The following ENY2 variants were observed in gnomAD, a reference collection of about 807,000 sequenced individuals.
ENY2 encodes the protein transcription and mRNA export factor ENY2.
A neutral mutation model predicts 15.9 loss-of-function variants in ENY2; 4 were observed. The observed-to-expected ratio is 0.25, with a 90% confidence interval of 0.12 to 0.57. The LOEUF (loss-of-function observed/expected upper bound fraction) is 0.57, where lower values mean the gene tolerates loss of function less well. Among genes scored for constraint, ENY2 ranks in the 20% least tolerant of loss-of-function variants. The pLI, the probability that ENY2 is intolerant of heterozygous loss-of-function variation, is 0.91. For synonymous variants in ENY2, 48 were observed against 38.0 expected (o/e 1.26, Z -0.97); for missense variants, 54 against 117.2 (o/e 0.46, Z 2.49).
At position 109,334,488 on chromosome 8, in the gene ENY2, G is replaced by C; in HGVS notation, c.6+14G>C. 6.2e-7 allele frequency: 1 copy of C among 1,612,862 alleles called. No individual in the cohort carries two copies. Among genetic ancestry groups the C allele is most frequent in the Non-Finnish European group, 8.5e-7 (1 of 1,179,620 alleles). ...GCGGTGATGGTGGTGAGCTATGCCC[G>C]TGGTCCTCAGGGCCGGGACCCGGGC... is the stretch of plus-strand genomic sequence containing the variant. On this transcript the variant is annotated intron_variant, in intron 1 of 4. Transcript: ENST00000521688.
At chr8:109,336,093 A>G (rs1412531416) in intron 1 of ENY2, 35 bp from the exon 2 acceptor site, 5 of 1,603,836 alleles carry the variant, frequency 3.1e-6, no homozygotes, top group East Asian at 2.2e-5. Flanking sequence ...TGCTTTGTAA[A>G]TGTTCTATAT....
At position 109,343,696 on chromosome 8, in the gene ENY2, G is replaced by A. The variant is rs751417878; in HGVS notation, c.*215G>A. On this transcript the variant is annotated 3_prime_UTR_variant, in exon 5 of 5. Transcript: ENST00000521688. Reference sequence around the variant, plus strand: ...AGTTTGCTTGGATTTTGAAATGAATGGGACTTTGTCTTTATTACTAATTCA... The same window carrying A: ...AGTTTGCTTGGATTTTGAAATGAATAGGACTTTGTCTTTATTACTAATTCA... 5.6e-5 allele frequency: 27 copies of A among 482,438 alleles called. No homozygotes were observed. The highest frequency in any genetic ancestry group is 7.2e-5 in the Non-Finnish European group (20 of 276,050). 29.9% of individuals were successfully genotyped at this position (482,438 alleles called of 1,614,324 possible).
intron 4 of ENY2, chr8:109,342,793 C>A: frequency 2.9e-6 from 2 of 684,818 alleles, no homozygotes; most frequent in South Asian, 3.0e-5. Flanking sequence ...CGTGAGCCAT[C>A]GTACCCAGCC....
chr8:109,345,941 C>G lies in ENY2; in HGVS notation c.*2460C>G, dbSNP rs1816236005. 6.6e-6 allele frequency: 1 copy of G among 152,018 alleles called. No individual in the cohort carries two copies. The highest frequency in any genetic ancestry group is 2.1e-4 in the South Asian group (1 of 4,822). The allele number at this position is 152,018 out of a possible 1,614,324, so 9.4% of individuals were successfully genotyped here. ...AATCACTTATATCTTTCAAATAAAC[C>G]AACTTTGTGAACATCTTGACTCACA... On this transcript the variant is annotated 3_prime_UTR_variant, in exon 5 of 5. Transcript: ENST00000521688.
rs1816219641 is a variant in ENY2, at chr8:109,345,244, G to A, written c.*1763G>A. ...TCTTGAAATTTTGCAGGCCTCTCCT[G>A]GAAAGGAGGAAATGACTTCTCTGAC... is the stretch of plus-strand genomic sequence containing the variant. On this transcript the variant is annotated 3_prime_UTR_variant, in exon 5 of 5. Coordinates refer to ENST00000521688, the MANE Select transcript of ENY2 (RefSeq NM_020189.6). 6.6e-6 allele frequency: 1 copy of A among 152,130 alleles called. No individual in the cohort carries two copies. Among genetic ancestry groups the A allele is most frequent in the Non-Finnish European group, 1.5e-5 (1 of 68,040 alleles). The allele number at this position is 152,130 out of a possible 1,614,324, so 9.4% of individuals were successfully genotyped here. A position where few individuals can be genotyped will look rare whatever the true frequency, so the allele number is the denominator to read the frequency against.
At position 109,345,123 on chromosome 8, in the gene ENY2, G is replaced by C. The variant is rs1563694379; in HGVS notation, c.*1642G>C. On this transcript the variant is annotated 3_prime_UTR_variant, in exon 5 of 5. Transcript: ENST00000521688. ...GTTTGCCCTTCAGAGTTCAGCTTTA[G>C]TTGCTAAAACATTCAGACATCCCTC... 1 of 152,068 alleles carries C rather than the reference G, an allele frequency of 6.6e-6. No homozygotes were observed. The highest frequency in any genetic ancestry group is 1.5e-5 in the Non-Finnish European group (1 of 68,028). 9.4% of individuals were successfully genotyped at this position (152,068 alleles called of 1,614,324 possible).
At chr8:109,334,583 G>A in intron 1 of ENY2, 109 bp downstream of exon 1, 2 of 1,345,564 alleles carry the variant, frequency 1.5e-6, no homozygotes, top group Non-Finnish European at 2.0e-6. Context: ...GGCCTGTAGG[G>A]CTCTCCGACA....
At chr8:109,340,216 A>G (rs1816083907) in intron 3 of ENY2, 1 of 391,758 alleles carries the variant, frequency 2.6e-6, no homozygotes, top group African/African-American at 2.1e-5. Context: ...GGCATTTTAC[A>G]GATGTTAGAT....
At chr8:109,334,652 C>G (rs928930938) in intron 1 of ENY2, 178 bp downstream of exon 1, 70 of 635,090 alleles carry the variant, frequency 1.1e-4, no homozygotes, top group Non-Finnish European at 1.6e-4. Flanking sequence ...GGCTCCTCCT[C>G]TCCCGCCTCT....
intron 4 of ENY2, 145 bp downstream of exon 4, chr8:109,340,708 C>T (rs2130195271): frequency 1.1e-6 from 1 of 924,506 alleles, no homozygotes; most frequent in South Asian, 1.7e-5. Flanking sequence ...GCCTACCTGC[C>T]TCCTAGCATA....
In ENY2 at chr8:109,344,164, C is replaced by T. The variant is rs1234041763; in HGVS notation, c.*683C>T. The T allele has an allele frequency of 6.6e-6, 1 of 152,218 alleles. No homozygotes were observed. Among genetic ancestry groups the T allele is most frequent in the African/African-American group, 2.4e-5 (1 of 41,452 alleles). 9.4% of individuals were successfully genotyped at this position (152,218 alleles called of 1,614,324 possible). A position where few individuals can be genotyped will look rare whatever the true frequency, so the allele number is the denominator to read the frequency against. On this transcript the variant is annotated 3_prime_UTR_variant, in exon 5 of 5. Transcript: ENST00000521688. ...TACCCTGACATCAGGATTGCCAAAT[C>T]CAATGGACTCTTGTCTATTCTTACG...
Position 109,343,388 on chromosome 8 carries a change from T to G in ENY2, c.230-17T>G. ...TTGGTACCTTCTTACTCTTATTTTT[T>G]TATTTTTGTTTTTCAGCCCTGGTAC... On this transcript the variant is annotated splice_polypyrimidine_tract_variant and intron_variant, in intron 4 of 4. Coordinates refer to ENST00000521688, the MANE Select transcript of ENY2 (RefSeq NM_020189.6). 1.3e-6 allele frequency: 2 copies of G among 1,593,912 alleles called. No homozygotes were observed. Among genetic ancestry groups the G allele is most frequent in the African/African-American group, 1.4e-5 (1 of 73,828 alleles).
In ENY2 at chr8:109,345,271, TTGTA is replaced by T. The variant is rs1816220095; in HGVS notation, c.*1793_*1796del. On this transcript the variant is annotated 3_prime_UTR_variant, in exon 5 of 5. Coordinates refer to ENST00000521688, the MANE Select transcript of ENY2 (RefSeq NM_020189.6). Reference sequence around the variant, plus strand: ...AAAGGAGGAAATGACTTCTCTGACTTTGTATGATGCTTATTTGTGGATGAATGGG... The same window carrying T: ...AAAGGAGGAAATGACTTCTCTGACTTTGATGCTTATTTGTGGATGAATGGG... 1 of 152,194 alleles carries T rather than the reference TTGTA, an allele frequency of 6.6e-6. No homozygotes were observed. The highest frequency in any genetic ancestry group is 2.1e-4 in the South Asian group (1 of 4,826). 9.4% of individuals were successfully genotyped at this position (152,194 alleles called of 1,614,324 possible). A position where few individuals can be genotyped will look rare whatever the true frequency, so the allele number is the denominator to read the frequency against.
At position 109,344,388 on chromosome 8, in the gene ENY2, C is replaced by G. The variant is rs1816188177; in HGVS notation, c.*907C>G. 1 of 152,190 alleles carries G rather than the reference C, an allele frequency of 6.6e-6. No homozygotes were observed. The highest frequency in any genetic ancestry group is 2.4e-5 in the African/African-American group (1 of 41,420). 9.4% of individuals were successfully genotyped at this position (152,190 alleles called of 1,614,324 possible). Reference sequence around the variant, plus strand: ...GCCTCACTAACTGGATATACTTTTCCTGAGCAAATCCCAGGAAACTTGCGT... The same window carrying G: ...GCCTCACTAACTGGATATACTTTTCGTGAGCAAATCCCAGGAAACTTGCGT... On this transcript the variant is annotated 3_prime_UTR_variant, in exon 5 of 5. Coordinates refer to ENST00000521688, the MANE Select transcript of ENY2 (RefSeq NM_020189.6).
In ENY2 at chr8:109,343,496, G is replaced by A; in HGVS notation, c.*15G>A. The A allele has an allele frequency of 6.3e-7, 1 of 1,592,868 alleles. No individual in the cohort carries two copies. The highest frequency in any genetic ancestry group is 2.2e-5 in the East Asian group (1 of 44,642). On this transcript the variant is annotated 3_prime_UTR_variant, in exon 5 of 5. Transcript: ENST00000521688. ...CCAGCCTTTAAGATTGAATTAGATT[G>A]TGTTGTTGTGGTTTTATTTCTGAAA... is the stretch of plus-strand genomic sequence containing the variant.
intron 1 of ENY2, 180 bp downstream of exon 1, chr8:109,334,654 C>G (rs1049008411): frequency 3.1e-6 from 2 of 636,282 alleles, no homozygotes; most frequent in African/African-American, 3.8e-5. Flanking sequence ...CTCCTCCTCT[C>G]CCGCCTCTCC....
At chr8:109,342,676 T>A (rs769189716) in intron 4 of ENY2, 1 of 697,206 alleles carries the variant, frequency 1.4e-6, no homozygotes, top group South Asian at 1.5e-5. Flanking sequence ...CTCCACTAAT[T>A]TTATTTTTTG....
At chr8:109,336,453 A>G (rs1395835365) in intron 2 of ENY2, 4 of 385,866 alleles carry the variant, frequency 1.0e-5, no homozygotes, top group Non-Finnish European at 1.9e-5. Flanking sequence ...AAGAAAAAGT[A>G]CATACCTGAA....
chr8:109,341,668 TA>T (rs1337086361), intron 4 of ENY2, among the ~76,000 whole-genome samples: 1 of 152,150 alleles, frequency 6.6e-6, no homozygotes, highest in Non-Finnish European at 1.5e-5. Context: ...AATGAGCAAA[TA>T]AAAGAGAAGT....
Sources: allele counts gnomAD v4.1 joint callset (sites outside exome capture counted in the v4.1 genomes callset), GRCh38; gene constraint gnomAD v4.1.1; transcripts MANE v1.5; gene names NCBI Gene and HGNC (gene_info 2026-07-23, HGNC 2026-07-21).